BACH2: variants seen among roughly 807,000 people sequenced by gnomAD.
BACH2 encodes transcription regulator protein BACH2.
BACH2 carries 5 observed loss-of-function variants against 61.8 expected under a neutral mutation model. That is an observed-to-expected ratio of 0.08 (90% CI 0.04 to 0.17). The LOEUF (loss-of-function observed/expected upper bound fraction) is 0.17, where lower values mean the gene tolerates loss of function less well. Ranked by LOEUF, BACH2 falls within the 10% of genes least tolerant of loss-of-function variation. The pLI, the probability that BACH2 is intolerant of heterozygous loss-of-function variation, is 1.00. For missense variants in BACH2, 824 were observed against 1,091.1 expected (o/e 0.76, Z 3.45); for synonymous variants, 446 against 440.1 (o/e 1.01, Z -0.17).
At chr6:90,231,255 A>G (rs766593799) in intron 3 of BACH2, among the ~76,000 whole-genome samples, 12 of 152,200 alleles carry the variant, frequency 7.9e-5, no homozygotes, top group Non-Finnish European at 1.5e-4. Flanking sequence ...ATATAAATGG[A>G]TATGTGCATA....
Position 89,932,313 on chromosome 6 carries a change from C to G in BACH2, c.*95G>C. The G allele has an allele frequency of 6.8e-7, 1 of 1,479,170 alleles. No individual in the cohort carries two copies. Among genetic ancestry groups the G allele is most frequent in the Non-Finnish European group, 9.2e-7 (1 of 1,089,446 alleles). 91.6% of individuals were successfully genotyped at this position (1,479,170 alleles called of 1,614,324 possible). On this transcript the variant is annotated 3_prime_UTR_variant, in exon 9 of 9. Coordinates refer to ENST00000257749, the MANE Select transcript of BACH2 (RefSeq NM_021813.4). The stretch of plus-strand genomic sequence containing the variant: ...CTGTAGTGTGCACCAAATGTGTTCT[C>G]GGTTTCTTCGGGACAGCAGATGAAC...
At chr6:90,209,185 C>T (rs1206035891) in intron 3 of BACH2, among the ~76,000 whole-genome samples, 2 of 152,010 alleles carry the variant, frequency 1.3e-5, no homozygotes, top group Non-Finnish European at 2.9e-5. Flanking sequence ...ACATGTATCC[C>T]AGAACTTAAA....
intron 4 of BACH2, among the ~76,000 whole-genome samples, chr6:90,149,712 G>A (rs1212379010): frequency 1.3e-5 from 2 of 152,220 alleles, no homozygotes; most frequent in African/African-American, 4.8e-5. Context: ...ATAGGCAGAT[G>A]AAAATCTTTT....
At chr6:89,999,883 T>G (rs938212306) in intron 6 of BACH2, among the ~76,000 whole-genome samples, 1 of 152,230 alleles carries the variant, frequency 6.6e-6, no homozygotes, top group African/African-American at 2.4e-5. Context: ...CTACATCAGA[T>G]AGGGATAAAT....
At chr6:90,228,757 G>C (rs960308832) in intron 3 of BACH2, among the ~76,000 whole-genome samples, 2 of 152,054 alleles carry the variant, frequency 1.3e-5, no homozygotes, top group South Asian at 4.1e-4. Context: ...AGTTTTAAAA[G>C]GTAAAACAAC....
In BACH2 at chr6:90,235,800, C is replaced by T. The variant is rs76178092; in HGVS notation, c.-275+16713G>A. ...TTTAGTAAGTTCTAATATTGGGCCT[C>T]CTGAATGAACTTACTGACCAGCAGG... On this transcript the variant is annotated intron_variant, in intron 3 of 8. Transcript: ENST00000257749. 1.9e-3 allele frequency among the ~76,000 whole-genome samples: 283 copies of T among 152,344 alleles called. 9 individuals are homozygous for T. In the East Asian group the frequency reaches 0.052, roughly 28 times the overall value.
At chr6:90,076,994 T>A (rs34403764) in intron 5 of BACH2, among the ~76,000 whole-genome samples, 1 of 151,994 alleles carries the variant, frequency 6.6e-6, no homozygotes, top group South Asian at 2.1e-4. Context: ...AATGCGGACA[T>A]GCACTTAAAA....
intron 3 of BACH2, among the ~76,000 whole-genome samples, chr6:90,239,798 T>TACAC (rs59169449): frequency 0.013 from 1,726 of 132,248 alleles, 17 homozygotes; most frequent in East Asian, 0.029. Flanking sequence ...GGGGGGGGAA[T>TACAC]ACACACACAC....
At chr6:90,296,239 G>A (rs530966803) in intron 1 of BACH2, among the ~76,000 whole-genome samples, 1 of 152,062 alleles carries the variant, frequency 6.6e-6, no homozygotes, top group South Asian at 2.1e-4. Flanking sequence ...AGCCGGGAGG[G>A]AGAGCACACA....
chr6:90,146,942 G>C (rs1316485538), intron 4 of BACH2, among the ~76,000 whole-genome samples: 1 of 152,122 alleles, frequency 6.6e-6, no homozygotes, highest in East Asian at 1.9e-4. Context: ...TAGCCTCCAG[G>C]AGACGTAGGA....
intron 5 of BACH2, among the ~76,000 whole-genome samples, chr6:90,032,164 T>C (rs2127788323): frequency 6.6e-6 from 1 of 152,052 alleles, no homozygotes; most frequent in Non-Finnish European, 1.5e-5. Flanking sequence ...TGTAGAAAGC[T>C]GAAACTGGAT....
At chr6:90,265,146 C>G (rs1271311875) in intron 2 of BACH2, among the ~76,000 whole-genome samples, 1 of 152,160 alleles carries the variant, frequency 6.6e-6, no homozygotes, top group African/African-American at 2.4e-5. Context: ...AACAAGAAAA[C>G]CTTGTAAAAG....
At chr6:90,103,346 G>A (rs1782759594) in intron 4 of BACH2, among the ~76,000 whole-genome samples, 1 of 151,978 alleles carries the variant, frequency 6.6e-6, no homozygotes. Context: ...CAAGATCCCA[G>A]GGAGTAGCAA....
At chr6:89,985,222 T>C (rs1776173295) in intron 6 of BACH2, among the ~76,000 whole-genome samples, 1 of 152,196 alleles carries the variant, frequency 6.6e-6, no homozygotes, top group African/African-American at 2.4e-5. Flanking sequence ...GATTAATGTT[T>C]AGGAGAGCAC....
At chr6:90,181,579 T>C (rs939292385) in intron 4 of BACH2, among the ~76,000 whole-genome samples, 2 of 152,152 alleles carry the variant, frequency 1.3e-5, no homozygotes, top group African/African-American at 4.8e-5. Flanking sequence ...AATTTTATTA[T>C]TTTAGAGACA....
intron 5 of BACH2, chr6:90,062,812 A>G: frequency 1.7e-6 from 1 of 594,828 alleles, no homozygotes; most frequent in Non-Finnish European, 2.1e-6. Flanking sequence ...AACTACTCAA[A>G]CAAAGTCTGA....
intron 4 of BACH2, among the ~76,000 whole-genome samples, chr6:90,163,808 G>A (rs1767495089): frequency 6.6e-6 from 1 of 152,082 alleles, no homozygotes; most frequent in Non-Finnish European, 1.5e-5. Flanking sequence ...GTGCTTCCAC[G>A]ATCACAGTCT....
chr6:90,139,703 G>C (rs922506377), intron 4 of BACH2, among the ~76,000 whole-genome samples: 1 of 152,192 alleles, frequency 6.6e-6, no homozygotes, highest in African/African-American at 2.4e-5. Context: ...GTTCGGATGT[G>C]TCCTTATCTT....
intron 5 of BACH2, among the ~76,000 whole-genome samples, chr6:90,052,503 T>A (rs1313050822): frequency 1.3e-5 from 2 of 152,200 alleles, no homozygotes; most frequent in Non-Finnish European, 2.9e-5. Context: ...CACTGCAACC[T>A]CCGTCTCCTG....
Sources: gnomAD v4.1 joint callset for allele counts (sites outside exome capture counted in the v4.1 genomes callset) on GRCh38, gnomAD v4.1.1 for gene constraint, MANE v1.5 for transcripts, NCBI Gene and HGNC (gene_info 2026-07-23, HGNC 2026-07-21) for gene names.